ELAVL2: variants seen among roughly 807,000 people sequenced by gnomAD.
The protein encoded by ELAVL2 is ELAV like RNA binding protein 2.
Under a neutral mutation model 34.6 loss-of-function variants are expected in ELAVL2, and 4 were observed. The observed-to-expected ratio is 0.12, with a 90% confidence interval of 0.06 to 0.26. The LOEUF is 0.26. ELAVL2 is among the 10% of genes least tolerant of loss of function. The pLI is 1.00. For missense variants in ELAVL2, 432 were observed against 442.8 expected (o/e 0.98, Z 0.22); for synonymous variants, 193 against 154.8 (o/e 1.25, Z -1.83).
the ELAVL2 span, among the ~76,000 whole-genome samples, chr9:23,833,481 T>A: frequency 6.6e-6 from 1 of 151,968 alleles, no homozygotes; most frequent in African/African-American, 2.4e-5. Flanking sequence ...AGATACACTG[T>A]CACCAAGTTT....
chr9:23,802,269 C>G (rs1217460387), intron 1 of ELAVL2, among the ~76,000 whole-genome samples: 1 of 152,092 alleles, frequency 6.6e-6, no homozygotes, highest in African/African-American at 2.4e-5. Flanking sequence ...TAGAAAGGGT[C>G]AAGAGCGCTA....
intron 3 of ELAVL2, among the ~76,000 whole-genome samples, chr9:23,712,096 G>A (rs908833777): frequency 2.0e-5 from 3 of 152,140 alleles, no homozygotes; most frequent in Non-Finnish European, 4.4e-5. Flanking sequence ...GGCGGGGGGA[G>A]TCTTAATTTT....
chr9:23,746,627 C>T (rs1278193912), intron 2 of ELAVL2, among the ~76,000 whole-genome samples: 1 of 152,028 alleles, frequency 6.6e-6, no homozygotes, highest in African/African-American at 2.4e-5. Context: ...TCCTTACTGG[C>T]TGCTTGCCTA....
At chr9:23,807,470 C>A (rs1344363356) in intron 1 of ELAVL2, among the ~76,000 whole-genome samples, 1 of 151,830 alleles carries the variant, frequency 6.6e-6, no homozygotes, top group South Asian at 2.1e-4. Flanking sequence ...AAGTATTTTT[C>A]GACACTCTTA....
the ELAVL2 span, among the ~76,000 whole-genome samples, chr9:23,832,767 TG>T: frequency 6.6e-6 from 1 of 151,368 alleles, no homozygotes; most frequent in African/African-American, 2.4e-5. Context: ...TTCAAAAATG[TG>T]ATCGATCTCA....
At chr9:23,705,715 A>G (rs1177822877) in intron 3 of ELAVL2, among the ~76,000 whole-genome samples, 1 of 152,230 alleles carries the variant, frequency 6.6e-6, no homozygotes, top group Non-Finnish European at 1.5e-5. Context: ...TGCCCTGATG[A>G]GAATCTAATG....
chr9:23,713,402 C>T (rs2041511352), intron 3 of ELAVL2, among the ~76,000 whole-genome samples: 1 of 152,170 alleles, frequency 6.6e-6, no homozygotes, highest in Non-Finnish European at 1.5e-5. Flanking sequence ...GCTAGCCATT[C>T]CAAGTCTAAG....
chr9:23,720,944 C>A (rs1039011289), intron 3 of ELAVL2, among the ~76,000 whole-genome samples: 1 of 152,094 alleles, frequency 6.6e-6, no homozygotes, highest in African/African-American at 2.4e-5. Context: ...TAATCAACCA[C>A]CCCACCCCAC....
chr9:23,816,447 A>G (rs2063736609), intron 1 of ELAVL2, among the ~76,000 whole-genome samples: 1 of 151,972 alleles, frequency 6.6e-6, no homozygotes, highest in Non-Finnish European at 1.5e-5. Context: ...TGCTGAAATA[A>G]TCTCCAATAA....
intron 5 of ELAVL2, among the ~76,000 whole-genome samples, chr9:23,696,178 T>C (rs530954850): frequency 6.6e-6 from 1 of 152,086 alleles, no homozygotes; most frequent in East Asian, 2.0e-4. Context: ...GCATGGAACC[T>C]AGAAAACAGT....
chr9:23,750,775 A>G (rs1292694177), intron 2 of ELAVL2, among the ~76,000 whole-genome samples: 1 of 152,194 alleles, frequency 6.6e-6, no homozygotes. Flanking sequence ...AAATGGAATG[A>G]AAAAAGCTCC....
At chr9:23,821,273 GGCACGTCCACGCCCGT>G (rs2064648557) in intron 1 of ELAVL2, 1 of 152,338 alleles carries the variant, frequency 6.6e-6, no homozygotes, top group Admixed American at 6.5e-5. Context: ...GCCGCACCCG[GGCACGTCCACGCCCGT>G]GCACGCTGCC....
At position 23,699,930 on chromosome 9, in the gene ELAVL2, C is replaced by T. The variant is rs563129482; in HGVS notation, c.713+1449G>A. ...TTTGACAGTACCACCTCTTCTCCCA[C>T]GGCAAAGGCCAACTTAAGTTGAAAT... is the stretch of plus-strand genomic sequence containing the variant. On this transcript the variant is annotated intron_variant, in intron 5 of 6. Transcript: ENST00000397312. Among the ~76,000 whole-genome samples, 159 of 148,140 alleles carry T rather than the reference C, an allele frequency of 1.1e-3. No individual in the cohort carries two copies. In the Middle Eastern group the frequency reaches 0.018, roughly 17 times the overall value.
At chr9:23,848,386 T>C in the ELAVL2 span, among the ~76,000 whole-genome samples, 1 of 152,192 alleles carries the variant, frequency 6.6e-6, no homozygotes, top group Non-Finnish European at 1.5e-5. Flanking sequence ...CTAAATTGAT[T>C]CCTCTTGTAC....
At chr9:23,742,447 C>A (rs1260224380) in intron 2 of ELAVL2, among the ~76,000 whole-genome samples, 1 of 152,090 alleles carries the variant, frequency 6.6e-6, no homozygotes, top group African/African-American at 2.4e-5. Flanking sequence ...CCTTCGCATA[C>A]AATATGGTGA....
intron 2 of ELAVL2, among the ~76,000 whole-genome samples, chr9:23,748,340 C>G (rs1211072055): frequency 1.3e-5 from 2 of 152,160 alleles, no homozygotes; most frequent in Non-Finnish European, 2.9e-5. Flanking sequence ...GAGAAGTAGT[C>G]TGGGGATGTT....
At chr9:23,807,749 G>C (rs1308751069) in intron 1 of ELAVL2, among the ~76,000 whole-genome samples, 1 of 152,116 alleles carries the variant, frequency 6.6e-6, no homozygotes, top group Non-Finnish European at 1.5e-5. Flanking sequence ...TTTCCGCCAA[G>C]CAAAAAGCCT....
At chr9:23,839,067 C>T in the ELAVL2 span, among the ~76,000 whole-genome samples, 3 of 151,968 alleles carry the variant, frequency 2.0e-5, no homozygotes, top group Non-Finnish European at 4.4e-5. Flanking sequence ...AGTCTAATAC[C>T]ATGACCAAGA....
intron 1 of ELAVL2, among the ~76,000 whole-genome samples, chr9:23,788,682 C>T (rs1410846): frequency 0.37 from 56,286 of 152,040 alleles, 11,147 homozygotes; most frequent in East Asian, 0.54. Flanking sequence ...CATGTCAGAA[C>T]TGCCAGCATC....
Sources: gnomAD v4.1 joint callset for allele counts (sites outside exome capture counted in the v4.1 genomes callset) on GRCh38, gnomAD v4.1.1 for gene constraint, MANE v1.5 for transcripts, NCBI Gene and HGNC (gene_info 2026-07-23, HGNC 2026-07-21) for gene names.